Variants in UBL3 observed in about 807,000 individuals in gnomAD.
UBL3 encodes ubiquitin-like protein 3.
A neutral mutation model predicts 18.4 loss-of-function variants in UBL3; 6 were observed. The ratio of observed to expected loss-of-function variants is 0.33; its 90% confidence interval spans 0.18 to 0.64. The LOEUF (loss-of-function observed/expected upper bound fraction) is 0.64, where lower values mean the gene tolerates loss of function less well. UBL3 is among the 30% of genes least tolerant of loss of function. UBL3 has a pLI of 0.76. For missense variants in UBL3, 109 were observed against 142.9 expected (o/e 0.76, Z 1.21); for synonymous variants, 49 against 46.6 (o/e 1.05, Z -0.21).
intron 1 of UBL3, among the ~76,000 whole-genome samples, chr13:29,806,899 AAT>A (rs1877912560): frequency 6.6e-6 from 1 of 152,168 alleles, no homozygotes; most frequent in South Asian, 2.1e-4. Context: ...TAAGTTTTAT[AAT>A]AACCTCTATC....
At position 29,782,010 on chromosome 13, in the gene UBL3, AAAAAT is replaced by A. The variant is rs200693126; in HGVS notation, c.28-4752_28-4748del. On this transcript the variant is annotated intron_variant, in intron 1 of 4. Coordinates refer to ENST00000380680, the MANE Select transcript of UBL3 (RefSeq NM_007106.4). ...AGAATGAGACCCCATCTCTAAAAAA[AAAAAT>A]AAAATAAACATAAATCAACAAAGCC... is the stretch of plus-strand genomic sequence containing the variant. Among the ~76,000 whole-genome samples the A allele has an allele frequency of 2.6e-5, 4 of 152,028 alleles. No individual in the cohort carries two copies. The East Asian group carries it at 5.8e-4, about 22-fold the overall frequency.
chr13:29,835,171 T>TCCACCCTCCTGGA (rs2139363464), intron 1 of UBL3, among the ~76,000 whole-genome samples: 1 of 68,366 alleles, frequency 1.5e-5, no homozygotes, highest in Non-Finnish European at 2.7e-5. Context: ...TATATATATA[T>TCCACCCTCCTGGA]ATATATATAT....
chr13:29,776,600 C>T (rs954485698), intron 2 of UBL3, among the ~76,000 whole-genome samples: 9 of 151,822 alleles, frequency 5.9e-5, no homozygotes, highest in Admixed American at 2.6e-4. Context: ...TGGCTAGGCA[C>T]GGTGGCTCAC....
chr13:29,800,237 T>C (rs1877724601), intron 1 of UBL3, among the ~76,000 whole-genome samples: 1 of 152,246 alleles, frequency 6.6e-6, no homozygotes, highest in Non-Finnish European at 1.5e-5. Flanking sequence ...AGTGTTGACA[T>C]CTTGCTCTGC....
chr13:29,798,839 A>G (rs1462972395), intron 1 of UBL3, among the ~76,000 whole-genome samples: 1 of 152,190 alleles, frequency 6.6e-6, no homozygotes, highest in Non-Finnish European at 1.5e-5. Context: ...CACATGCTTG[A>G]TATTATTGGT....
At chr13:29,808,868 T>C (rs1191212812) in intron 1 of UBL3, among the ~76,000 whole-genome samples, 2 of 152,154 alleles carry the variant, frequency 1.3e-5, no homozygotes, top group Non-Finnish European at 2.9e-5. Context: ...TGATCTCCCG[T>C]TGTGCCCAGG....
chr13:29,768,201 A>G (rs1160892370), intron 3 of UBL3, among the ~76,000 whole-genome samples: 1 of 152,128 alleles, frequency 6.6e-6, no homozygotes, highest in Non-Finnish European at 1.5e-5. Flanking sequence ...GAACTTTCTT[A>G]AAAAGATTAG....
chr13:29,828,454 C>T (rs1039734491), intron 1 of UBL3, among the ~76,000 whole-genome samples: 1 of 152,196 alleles, frequency 6.6e-6, no homozygotes. Context: ...ACCCTTTCTT[C>T]CAGCTGATCG....
intron 1 of UBL3, among the ~76,000 whole-genome samples, chr13:29,825,263 A>T (rs1302881386): frequency 6.6e-6 from 1 of 152,092 alleles, no homozygotes; most frequent in Non-Finnish European, 1.5e-5. Flanking sequence ...CTTGATGGGG[A>T]TGGCATTGAA....
intron 1 of UBL3, among the ~76,000 whole-genome samples, chr13:29,839,684 T>G (rs938148777): frequency 5.9e-5 from 9 of 152,022 alleles, no homozygotes; most frequent in Non-Finnish European, 1.3e-4. Flanking sequence ...TCCCAGCACT[T>G]TGGGAGGCTG....
At chr13:29,783,194 G>A (rs1877223661) in intron 1 of UBL3, among the ~76,000 whole-genome samples, 1 of 152,118 alleles carries the variant, frequency 6.6e-6, no homozygotes, top group Non-Finnish European at 1.5e-5. Context: ...AATTTGTTTT[G>A]GGCTCTGGAT....
intron 1 of UBL3, among the ~76,000 whole-genome samples, chr13:29,791,776 C>G (rs1877485521): frequency 6.6e-6 from 1 of 152,156 alleles, no homozygotes; most frequent in African/African-American, 2.4e-5. Context: ...TGCCCCCTTT[C>G]ACTCTCAAAA....
intron 2 of UBL3, 76 bp from the exon 3 acceptor site, chr13:29,772,274 C>G: frequency 8.0e-7 from 1 of 1,257,486 alleles, no homozygotes; most frequent in Non-Finnish European, 1.1e-6. Flanking sequence ...TTTAAAAATT[C>G]AGATCCAAAT....
intron 1 of UBL3, among the ~76,000 whole-genome samples, chr13:29,808,117 A>G (rs1565995642): frequency 6.6e-6 from 1 of 152,208 alleles, no homozygotes; most frequent in Non-Finnish European, 1.5e-5. Flanking sequence ...GAAGCTGCTT[A>G]AGCAGCTTTC....
In UBL3 at chr13:29,790,201, T is replaced by C. The variant is rs559975225; in HGVS notation, c.28-12938A>G. 5.9e-5 allele frequency among the ~76,000 whole-genome samples: 9 copies of C among 152,312 alleles called. No individual in the cohort carries two copies. In the East Asian group the frequency reaches 1.7e-3, roughly 29 times the overall value. On this transcript the variant is annotated intron_variant, in intron 1 of 4. Coordinates refer to ENST00000380680, the MANE Select transcript of UBL3 (RefSeq NM_007106.4). ...ATCATTAAGTAAAAAGAGAACGTTATTTAGGAATATAATAATATACATAGG... is the reference window on the plus strand; with the variant it reads ...ATCATTAAGTAAAAAGAGAACGTTACTTAGGAATATAATAATATACATAGG...
intron 1 of UBL3, 146 bp from the exon 2 acceptor site, chr13:29,777,409 T>A (rs978128026): frequency 1.4e-5 from 10 of 723,086 alleles, no homozygotes; most frequent in South Asian, 1.1e-4. Flanking sequence ...AAAACTTTTT[T>A]AAAAAGAATG....
chr13:29,789,392 A>T (rs1447976980), intron 1 of UBL3, among the ~76,000 whole-genome samples: 1 of 152,250 alleles, frequency 6.6e-6, no homozygotes, highest in Non-Finnish European at 1.5e-5. Context: ...GAAAATTTCA[A>T]TTCAAGTAAG....
chr13:29,800,645 A>C, intron 1 of UBL3, among the ~76,000 whole-genome samples: 1 of 152,252 alleles, frequency 6.6e-6, no homozygotes, highest in South Asian at 2.1e-4. Flanking sequence ...ACTAACTTGA[A>C]AGAATATTAT....
chr13:29,849,431 C>G, intron 1 of UBL3, 81 bp downstream of exon 1: 1 of 1,595,482 alleles, frequency 6.3e-7, no homozygotes, highest in Non-Finnish European at 8.6e-7. Context: ...AGCAAATCTT[C>G]GCCCCACGCC....
Sources: allele counts gnomAD v4.1 joint callset (sites outside exome capture counted in the v4.1 genomes callset), GRCh38; gene constraint gnomAD v4.1.1; transcripts MANE v1.5; gene names NCBI Gene and HGNC (gene_info 2026-07-23, HGNC 2026-07-21).